NUP42: variants seen among roughly 807,000 people sequenced by gnomAD.
NUP42 encodes the protein nucleoporin NUP42.
Under a neutral mutation model 35.9 loss-of-function variants are expected in NUP42, and 47 were observed. The observed-to-expected ratio is 1.31, with a 90% confidence interval of 1.04 to 1.67. The LOEUF (loss-of-function observed/expected upper bound fraction) is 1.67. Among genes scored for constraint, NUP42 ranks in the 40% most tolerant of loss-of-function variants. The pLI, the probability that NUP42 is intolerant of heterozygous loss-of-function variation, is 0.00. For synonymous variants in NUP42, 173 were observed against 173.3 expected (o/e 1.00, Z 0.01); for missense variants, 514 against 492.2 (o/e 1.04, Z -0.42).
At chr7:23,187,940 C>A in intron 3 of NUP42, 4 of 267,076 alleles carry the variant, frequency 1.5e-5, no homozygotes, top group South Asian at 1.1e-4. Context: ...TTCTCTGTCT[C>A]TCTCTCTCTC....
chr7:23,194,929 C>G (rs767440967), intron 3 of NUP42: 4 of 151,432 alleles, frequency 2.6e-5, no homozygotes, highest in African/African-American at 4.8e-5. Context: ...ACCTCGTGAT[C>G]CATCCGCCTC....
chr7:23,186,749 T>C (rs1278142199), intron 2 of NUP42, among the ~76,000 whole-genome samples: 1 of 152,168 alleles, frequency 6.6e-6, no homozygotes, highest in East Asian at 1.9e-4. Context: ...TTACATATCA[T>C]ACCAATGATA....
At chr7:23,186,719 A>G (rs1785608150) in intron 2 of NUP42, among the ~76,000 whole-genome samples, 1 of 152,176 alleles carries the variant, frequency 6.6e-6, no homozygotes, top group South Asian at 2.1e-4. Flanking sequence ...GTATTTATGT[A>G]ATTACTATCA....
At chr7:23,188,372 A>C in intron 3 of NUP42, 1 of 980,488 alleles carries the variant, frequency 1.0e-6, no homozygotes, top group Non-Finnish European at 1.2e-6. Flanking sequence ...GGAAAACAAT[A>C]AGTGATGCAA....
chr7:23,184,667 A>G (rs925646906), intron 1 of NUP42, among the ~76,000 whole-genome samples: 6 of 152,350 alleles, frequency 3.9e-5, no homozygotes, highest in African/African-American at 1.2e-4. Context: ...GAATCTTTCT[A>G]TATTGTCTAG....
At chr7:23,197,127 A>G in intron 5 of NUP42, 1 of 895,544 alleles carries the variant, frequency 1.1e-6, no homozygotes, top group South Asian at 1.4e-5. Context: ...AATGTAATGT[A>G]TCGTTTTGCG....
intron 3 of NUP42, among the ~76,000 whole-genome samples, chr7:23,188,960 A>T (rs868688595): frequency 6.6e-6 from 1 of 152,236 alleles, no homozygotes; most frequent in African/African-American, 2.4e-5. Flanking sequence ...AACTTCCTTT[A>T]TGAAGAGATA....
intron 3 of NUP42, among the ~76,000 whole-genome samples, chr7:23,190,411 A>G (rs1583766148): frequency 6.6e-6 from 1 of 152,226 alleles, no homozygotes; most frequent in African/African-American, 2.4e-5. Flanking sequence ...GTTTTGGAAA[A>G]TAGCTTTTTC....
rs6979605 is a variant in NUP42, at chr7:23,196,793, G to A, written c.609+27G>A. Reference sequence around the variant, plus strand: ...TGAGTATGGGAGAGTTTTCTTGAGGGAAGTGTCTTACCTATTGCTTTTTTG... The same window carrying A: ...TGAGTATGGGAGAGTTTTCTTGAGGAAAGTGTCTTACCTATTGCTTTTTTG... On this transcript the variant is annotated intron_variant, in intron 5 of 6. Transcript: ENST00000258742. 1.0e-4 allele frequency: 152 copies of A among 1,466,636 alleles called. No homozygotes were observed. In the African/African-American group the frequency reaches 1.8e-3, roughly 17 times the overall value. The allele number at this position is 1,466,636 out of a possible 1,614,324, so 90.9% of individuals were successfully genotyped here. A position where few individuals can be genotyped will look rare whatever the true frequency, so the allele number is the denominator to read the frequency against.
chr7:23,187,203 C>A, intron 3 of NUP42, 57 bp downstream of exon 3: 1 of 1,176,222 alleles, frequency 8.5e-7, no homozygotes, highest in Admixed American at 2.0e-5. Flanking sequence ...TTTTCTAAAA[C>A]CAAAAGAATG....
chr7:23,185,078 A>G lies in NUP42; in HGVS notation c.130A>G (p.Arg44Gly). The G allele has an allele frequency of 3.7e-6, 6 of 1,609,910 alleles. No homozygotes were observed. The highest frequency in any genetic ancestry group is 5.1e-6 in the Non-Finnish European group (6 of 1,178,548). ...QPQQQPSGNN[R>G]RGWNTTSQRY... is the part of the protein sequence containing the mutation. ...TTTATTGTTTATTTTAGGTAATAATAGACGTGGATGGAATACAACTAGCCA... is the reference window on the plus strand; with the variant it reads ...TTTATTGTTTATTTTAGGTAATAATGGACGTGGATGGAATACAACTAGCCA... Residue 44 changes from arginine (R) to glycine (G), a missense_variant, in exon 2 of 7, where the codon AGA becomes GGA. Coordinates refer to ENST00000258742, the MANE Select transcript of NUP42 (RefSeq NM_007342.3).
At chr7:23,182,283 TC>T (rs1562601321) in intron 1 of NUP42, 77 bp downstream of exon 1, 1 of 1,530,942 alleles carries the variant, frequency 6.5e-7, no homozygotes, top group Non-Finnish European at 8.8e-7. Flanking sequence ...CCCGCGTGTT[TC>T]CCGCTGCTGG....
chr7:23,195,817 T>G (rs753848021), intron 3 of NUP42, 22 bp from the exon 4 acceptor site: 30 of 1,504,796 alleles, frequency 2.0e-5, no homozygotes, highest in Non-Finnish European at 2.7e-5. Flanking sequence ...TTTTAAAGAT[T>G]CCGATTGATT....
intron 5 of NUP42, among the ~76,000 whole-genome samples, chr7:23,199,158 T>G (rs765577578): frequency 3.3e-5 from 5 of 152,164 alleles, no homozygotes; most frequent in Non-Finnish European, 7.4e-5. Context: ...TACTTTGTCA[T>G]CCAGGCTTTC....
At chr7:23,185,428 A>G (rs1785558284) in intron 2 of NUP42, 130 bp downstream of exon 2, 4 of 684,884 alleles carry the variant, frequency 5.8e-6, no homozygotes, top group Admixed American at 3.0e-5. Context: ...GAAATAATGC[A>G]TTATTTTTAA....
intron 2 of NUP42, among the ~76,000 whole-genome samples, 194 bp downstream of exon 2, chr7:23,185,492 G>A (rs1263517448): frequency 2.0e-5 from 3 of 152,046 alleles, no homozygotes; most frequent in Admixed American, 6.5e-5. Flanking sequence ...CTCATAGATA[G>A]CCACTCTTTT....
chr7:23,200,472 C>T lies in NUP42; in HGVS notation c.999C>T (p.Ala333=), dbSNP rs745892431. 3.7e-6 allele frequency: 6 copies of T among 1,614,028 alleles called. No homozygotes were observed. Among genetic ancestry groups the T allele is most frequent in the Non-Finnish European group, 5.1e-6 (6 of 1,180,032 alleles). Residue 333 remains alanine (A), a synonymous_variant, in exon 7 of 7, where the codon GCC becomes GCT. Transcript: ENST00000258742. The stretch of plus-strand genomic sequence containing the variant: ...CAGGTCCTGTCAGAGCTCCAGTGGC[C>T]CCAGCCTTTGGAGGTGGCAGTTCTG... The part of the protein sequence containing the change: ...LATGPVRAPV[A]PAFGGGSSVA...
At chr7:23,185,387 T>A in intron 2 of NUP42, 89 bp downstream of exon 2, 1 of 849,088 alleles carries the variant, frequency 1.2e-6, no homozygotes, top group South Asian at 1.7e-5. Flanking sequence ...TTGTAACATC[T>A]TTTCACAATA....
At chr7:23,194,741 T>C (rs1785951429) in intron 3 of NUP42, 3 of 182,338 alleles carry the variant, frequency 1.6e-5, no homozygotes, top group East Asian at 1.8e-4. Flanking sequence ...CAGGCTGGAG[T>C]GCAGTGGCGC....
Sources: allele counts gnomAD v4.1 joint callset (sites outside exome capture counted in the v4.1 genomes callset), GRCh38; gene constraint gnomAD v4.1.1; transcripts MANE v1.5; gene names NCBI Gene and HGNC (gene_info 2026-07-23, HGNC 2026-07-21).